The following CDH12 variants were observed in gnomAD, a reference collection of about 807,000 sequenced individuals.
CDH12 encodes cadherin-12.
In CDH12, 41 loss-of-function variants were observed where a neutral mutation model predicts 74.1. The observed-to-expected ratio is 0.55, with a 90% CI of 0.43 to 0.72. The LOEUF (loss-of-function observed/expected upper bound fraction) is 0.72. CDH12 is among the 30% of genes least tolerant of loss of function. The probability of loss-of-function intolerance (pLI) is 0.00; values close to 1 mark genes in which losing one functional copy is unlikely to be tolerated. For synonymous variants in CDH12, 399 were observed against 355.0 expected, an observed-to-expected ratio of 1.12 and a Z score of -1.39; for missense variants, 945 against 977.2, an observed-to-expected ratio of 0.97 and a Z score of 0.44.
intron 8 of CDH12, among the ~76,000 whole-genome samples, chr5:21,834,372 C>T (rs1749414473): frequency 6.6e-6 from 1 of 151,764 alleles, no homozygotes; most frequent in Non-Finnish European, 1.5e-5. Flanking sequence ...TATTCATGTA[C>T]AGTATCTAAA....
intron 4 of CDH12, among the ~76,000 whole-genome samples, chr5:22,115,284 T>C (rs1745023274): frequency 6.6e-6 from 1 of 152,206 alleles, no homozygotes; most frequent in Admixed American, 6.5e-5. Context: ...GTTTATGGAA[T>C]ACATCTTAGT....
intron 2 of CDH12, among the ~76,000 whole-genome samples, chr5:22,434,266 G>T (rs973606): frequency 1.3e-5 from 2 of 152,098 alleles, no homozygotes; most frequent in Admixed American, 6.6e-5. Flanking sequence ...AATAGGATTT[G>T]CTCCTCAAAT....
At chr5:22,302,427 T>C (rs190616018) in intron 3 of CDH12, among the ~76,000 whole-genome samples, 16 of 152,278 alleles carry the variant, frequency 1.1e-4, no homozygotes, top group South Asian at 2.1e-4. Flanking sequence ...TAGGAGAGTG[T>C]GCAATTAATG....
rs189725042 is a variant in CDH12 at position 21,764,446 on chromosome 5, G to A, written c.1515+532C>T. Among the ~76,000 whole-genome samples, 341 of 149,754 alleles carry A rather than the reference G, an allele frequency of 2.3e-3. 2 individuals are homozygous for A. Among genetic ancestry groups the A allele is most frequent in the African/African-American group, 8.0e-3 (324 of 40,712 alleles). On this transcript the variant is annotated intron_variant, in intron 12 of 14. Coordinates refer to ENST00000382254, the MANE Select transcript of CDH12 (RefSeq NM_004061.5). Reference sequence around the variant, plus strand: ...GTGTGTCACTTGAGGTCAGGAGTTCGAGTCCAGCCTGGCTAACATGGAGAC... The same window carrying A: ...GTGTGTCACTTGAGGTCAGGAGTTCAAGTCCAGCCTGGCTAACATGGAGAC...
intron 11 of CDH12, among the ~76,000 whole-genome samples, chr5:21,775,697 C>T (rs1400702223): frequency 6.6e-6 from 1 of 151,776 alleles, no homozygotes; most frequent in Non-Finnish European, 1.5e-5. Flanking sequence ...TCCTATGTGA[C>T]ACTATGTTTA....
At chr5:22,084,912 G>A (rs1166329797) in intron 4 of CDH12, among the ~76,000 whole-genome samples, 3 of 152,166 alleles carry the variant, frequency 2.0e-5, no homozygotes, top group Admixed American at 2.0e-4. Context: ...CACCAATGGT[G>A]TTGTTATAAA....
chr5:22,328,146 C>T (rs1166145814), intron 3 of CDH12, among the ~76,000 whole-genome samples: 3 of 152,162 alleles, frequency 2.0e-5, no homozygotes, highest in Admixed American at 6.5e-5. Flanking sequence ...TGTAGAGGCT[C>T]ACACACCCTG....
chr5:22,067,067 C>T (rs1741612806), intron 5 of CDH12, among the ~76,000 whole-genome samples: 1 of 152,144 alleles, frequency 6.6e-6, no homozygotes, highest in African/African-American at 2.4e-5. Flanking sequence ...CTTCATTGCT[C>T]TACCTCAGGG....
At chr5:22,398,782 A>G (rs1742578407) in intron 3 of CDH12, among the ~76,000 whole-genome samples, 1 of 152,092 alleles carries the variant, frequency 6.6e-6, no homozygotes, top group South Asian at 2.1e-4. Flanking sequence ...TCTTCCACCA[A>G]CAGAAGATCT....
chr5:22,191,480 G>A (rs1406174295), intron 4 of CDH12, among the ~76,000 whole-genome samples: 1 of 151,532 alleles, frequency 6.6e-6, no homozygotes, highest in East Asian at 1.9e-4. Context: ...GTGTGATTCA[G>A]CAACTAAGGA....
In CDH12 at chr5:21,751,719, T is replaced by C. The variant is rs1175085178; in HGVS notation, c.*18A>G. On this transcript the variant is annotated 3_prime_UTR_variant, in exon 15 of 15. Coordinates refer to ENST00000382254, the MANE Select transcript of CDH12 (RefSeq NM_004061.5). ...AAAAATCTCCCCTCTCGGTTGTATT[T>C]TAGCCTCCACGACTCCCTTAAGTGA... 1 of 1,580,232 alleles carries C rather than the reference T, an allele frequency of 6.3e-7. No individual in the cohort carries two copies. The highest frequency in any genetic ancestry group is 8.6e-7 in the Non-Finnish European group (1 of 1,166,998).
intron 3 of CDH12, among the ~76,000 whole-genome samples, chr5:22,243,540 T>G (rs1400713689): frequency 6.6e-6 from 1 of 152,106 alleles, no homozygotes; most frequent in South Asian, 2.1e-4. Context: ...AAAAAAGGTA[T>G]GCGGAAACTT....
chr5:21,781,761 T>C (rs1210174413), intron 11 of CDH12, among the ~76,000 whole-genome samples: 1 of 151,002 alleles, frequency 6.6e-6, no homozygotes, highest in East Asian at 1.9e-4. Context: ...GAGCACTATA[T>C]TGGCACTATA....
At chr5:22,246,775 A>C (rs1752957984) in intron 3 of CDH12, among the ~76,000 whole-genome samples, 1 of 152,192 alleles carries the variant, frequency 6.6e-6, no homozygotes, top group South Asian at 2.1e-4. Flanking sequence ...GCAGGTTTTC[A>C]AATGAAAGTA....
In CDH12 at chr5:22,777,316, A is replaced by G. The variant is rs1187859304; in HGVS notation, c.-523+75742T>C. Among the ~76,000 whole-genome samples the G allele has an allele frequency of 2.0e-5, 3 of 152,134 alleles. No individual in the cohort carries two copies. The East Asian group carries it at 5.8e-4, about 29-fold the overall frequency. On this transcript the variant is annotated intron_variant, in intron 1 of 14. Coordinates refer to ENST00000382254, the MANE Select transcript of CDH12 (RefSeq NM_004061.5). ...TATAATCCATATTTATTTATTTATA[A>G]GGTGTTATTCAGTTGATACATTGTT...
At chr5:21,871,430 G>T (rs917105825) in intron 6 of CDH12, among the ~76,000 whole-genome samples, 4 of 152,052 alleles carry the variant, frequency 2.6e-5, no homozygotes, top group Non-Finnish European at 5.9e-5. Context: ...CTATTCTAGG[G>T]TATGTAAAAT....
At chr5:22,307,904 A>G (rs1458290299) in intron 3 of CDH12, among the ~76,000 whole-genome samples, 1 of 96,852 alleles carries the variant, frequency 1.0e-5, no homozygotes, top group East Asian at 3.3e-4. Context: ...TTTTTGAGAC[A>G]GAGTCTCACT....
chr5:22,373,349 G>T (rs1240819213), intron 3 of CDH12, among the ~76,000 whole-genome samples: 1 of 152,162 alleles, frequency 6.6e-6, no homozygotes, highest in Non-Finnish European at 1.5e-5. Context: ...TTGGGTTCCA[G>T]TGGGTTGCCC....
intron 2 of CDH12, among the ~76,000 whole-genome samples, chr5:22,451,975 C>A (rs556472672): frequency 6.6e-6 from 1 of 151,874 alleles, no homozygotes; most frequent in East Asian, 1.9e-4. Context: ...ATCTCACTTA[C>A]AATATCTACA....
Sources: allele counts gnomAD v4.1 joint callset (sites outside exome capture counted in the v4.1 genomes callset), GRCh38; gene constraint gnomAD v4.1.1; transcripts MANE v1.5; gene names NCBI Gene and HGNC (gene_info 2026-07-23, HGNC 2026-07-21).